Variants in FOXK1 observed in about 807,000 individuals in gnomAD.
FOXK1 encodes the protein forkhead box protein K1.
A neutral mutation model predicts 51.9 loss-of-function variants in FOXK1; 19 were observed. That is an observed-to-expected ratio of 0.37 (90% CI 0.26 to 0.54). The LOEUF (loss-of-function observed/expected upper bound fraction) is 0.54. Among genes scored for constraint, FOXK1 ranks in the 20% least tolerant of loss-of-function variants. The pLI, the probability that FOXK1 is intolerant of heterozygous loss-of-function variation, is 0.87. For synonymous variants in FOXK1, 537 were observed against 482.6 expected (o/e 1.11, Z -1.48); for missense variants, 870 against 1,032.7 (o/e 0.84, Z 2.16).
chr7:4,726,307 G>A (rs1331059402), intron 1 of FOXK1, among the ~76,000 whole-genome samples: 1 of 152,112 alleles, frequency 6.6e-6, no homozygotes, highest in Non-Finnish European at 1.5e-5. Flanking sequence ...GCAGGACGGC[G>A]ATCACCTTCC....
At chr7:4,750,747 C>G (rs1170338845) in intron 2 of FOXK1, among the ~76,000 whole-genome samples, 1 of 151,798 alleles carries the variant, frequency 6.6e-6, no homozygotes, top group Non-Finnish European at 1.5e-5. Context: ...TCTTGTTGTC[C>G]AGGCTGGAGT....
In FOXK1 at chr7:4,705,558, TCG is replaced by T. The variant is rs750199923; in HGVS notation, c.560+22692_560+22693del. Among the ~76,000 whole-genome samples the T allele has an allele frequency of 6.9e-3, 938 of 135,606 alleles. 3 individuals carry two copies. The highest frequency in any genetic ancestry group is 0.017 in the East Asian group (74 of 4,348). 89.0% of individuals were successfully genotyped at this position (135,606 alleles called of 152,430 possible). A position where few individuals can be genotyped will look rare whatever the true frequency, so the allele number is the denominator to read the frequency against. ...CTCTCTCTCTCTCTCTCTCTCTCTCTCGCTCTCGCTCTCTCGTCGCCAGGCTG... is the reference window on the plus strand; with the variant it reads ...CTCTCTCTCTCTCTCTCTCTCTCTCTCTCTCGCTCTCTCGTCGCCAGGCTG... On this transcript the variant is annotated intron_variant, in intron 1 of 8. Coordinates refer to ENST00000328914, the MANE Select transcript of FOXK1 (RefSeq NM_001037165.2).
In FOXK1 at chr7:4,761,414, G is replaced by C; in HGVS notation, c.1921+126G>C. On this transcript the variant is annotated intron_variant, in intron 8 of 8. Coordinates refer to ENST00000328914, the MANE Select transcript of FOXK1 (RefSeq NM_001037165.2). The surrounding 1 kb of genome is among the most constrained non-coding windows in gnomAD (Gnocchi z 6.2). ...ACTCAGTTCAATTTATTGAGCACCTGCTATACTCCAGGCACTGGGGTAATG... is the reference window on the plus strand; with the variant it reads ...ACTCAGTTCAATTTATTGAGCACCTCCTATACTCCAGGCACTGGGGTAATG... 1.0e-6 allele frequency: 1 copy of C among 985,736 alleles called. No individual in the cohort carries two copies. Among genetic ancestry groups the C allele is most frequent in the African/African-American group, 1.6e-5 (1 of 62,448 alleles). The allele number at this position is 985,736 out of a possible 1,614,324, so 61.1% of individuals were successfully genotyped here.
chr7:4,706,113 C>T (rs200695697), intron 1 of FOXK1, among the ~76,000 whole-genome samples: 1 of 150,328 alleles, frequency 6.7e-6, no homozygotes, highest in Non-Finnish European at 1.5e-5. Flanking sequence ...TTGAAAAATA[C>T]AGAAATGCGA....
intron 1 of FOXK1, among the ~76,000 whole-genome samples, chr7:4,700,894 C>G (rs759837799): frequency 3.2e-4 from 49 of 152,194 alleles, no homozygotes; most frequent in Non-Finnish European, 7.1e-4. Flanking sequence ...CACATACATG[C>G]GTCTGTGCTG....
intron 1 of FOXK1, among the ~76,000 whole-genome samples, chr7:4,689,079 G>C (rs1484712881): frequency 1.3e-5 from 2 of 151,766 alleles, no homozygotes; most frequent in South Asian, 2.1e-4. Flanking sequence ...CCAGGTTCAA[G>C]CAATTCTCCT....
intron 1 of FOXK1, among the ~76,000 whole-genome samples, chr7:4,694,123 A>G (rs1315369736): frequency 6.6e-6 from 1 of 152,164 alleles, no homozygotes; most frequent in Non-Finnish European, 1.5e-5. Flanking sequence ...CTGGGCTCAC[A>G]TGATCCTCCC....
chr7:4,750,012 G>A (rs1374203732), intron 2 of FOXK1, among the ~76,000 whole-genome samples: 1 of 152,218 alleles, frequency 6.6e-6, no homozygotes, highest in Non-Finnish European at 1.5e-5. Flanking sequence ...CCCGGGGTGG[G>A]TCAGCATGGG....
At chr7:4,727,234 G>A (rs1780391622) in intron 1 of FOXK1, among the ~76,000 whole-genome samples, 2 of 152,138 alleles carry the variant, frequency 1.3e-5, no homozygotes, top group African/African-American at 4.8e-5. Flanking sequence ...TTACAGGCGT[G>A]AGCCACTGCT....
chr7:4,725,662 G>A (rs546565099), intron 1 of FOXK1, among the ~76,000 whole-genome samples: 45 of 152,402 alleles, frequency 3.0e-4, no homozygotes, highest in African/African-American at 1.1e-3. Context: ...CTGCTTGGCA[G>A]TGGACACACC....
rs369813942 is a variant in FOXK1, at chr7:4,754,594, G to A, written c.882G>A (p.Thr294=). 80 of 1,605,560 alleles carry A rather than the reference G, an allele frequency of 5.0e-5. No homozygotes were observed. The highest frequency in any genetic ancestry group is 6.5e-5 in the Non-Finnish European group (77 of 1,179,966). The change falls in exon 3 of 9, where the codon ACG becomes ACA. Residue 294 remains threonine, a synonymous_variant. Coordinates refer to ENST00000328914, the MANE Select transcript of FOXK1 (RefSeq NM_001037165.2). ...CCGCGTCGGAGCAGCAGGCAGACAC[G>A]TCTGGAGGAGACAGCCCCAAGGTCT... ...AKAASEQQAD[T]SGGDSPKDES... is the part of the protein sequence containing the mutation.
chr7:4,719,521 AC>A, intron 1 of FOXK1, among the ~76,000 whole-genome samples: 1 of 150,832 alleles, frequency 6.6e-6, no homozygotes, highest in Non-Finnish European at 1.5e-5. Flanking sequence ...TCACTCCATC[AC>A]CCAGGCTGGA....
intron 1 of FOXK1, among the ~76,000 whole-genome samples, chr7:4,716,794 C>T (rs762253027): frequency 6.6e-6 from 1 of 152,236 alleles, no homozygotes; most frequent in Non-Finnish European, 1.5e-5. Context: ...ACATAGGCGT[C>T]ACAAAACAGA....
chr7:4,729,011 G>A lies in FOXK1; in HGVS notation c.561-11827G>A, dbSNP rs749028952. ...CCCAGAAGCATTTTCTTAAATCAGC[G>A]TAGAGACAGAAGATGAAAGTTAACC... On this transcript the variant is annotated intron_variant, in intron 1 of 8. Coordinates refer to ENST00000328914, the MANE Select transcript of FOXK1 (RefSeq NM_001037165.2). This position sits in a 1 kb window ranked among gnomAD's most constrained non-coding sequence, Gnocchi z 6.2. Among the ~76,000 whole-genome samples, 12 of 152,236 alleles carry A rather than the reference G, an allele frequency of 7.9e-5. No homozygotes were observed. Among genetic ancestry groups the A allele is most frequent in the Non-Finnish European group, 1.6e-4 (11 of 68,038 alleles).
chr7:4,716,691 T>G (rs1320263716), intron 1 of FOXK1, among the ~76,000 whole-genome samples: 1 of 151,922 alleles, frequency 6.6e-6, no homozygotes, highest in Non-Finnish European at 1.5e-5. Context: ...CAGAGGCCAG[T>G]GAGGGCACAG....
intron 7 of FOXK1, chr7:4,760,064 G>A (rs189322958): frequency 8.8e-4 from 147 of 167,134 alleles, no homozygotes; most frequent in African/African-American, 3.4e-3. Flanking sequence ...CCGCAGATGT[G>A]TCCTTCCTTG....
intron 1 of FOXK1, among the ~76,000 whole-genome samples, chr7:4,710,321 G>T (rs1467980140): frequency 6.6e-6 from 1 of 152,208 alleles, no homozygotes; most frequent in Non-Finnish European, 1.5e-5. Flanking sequence ...TAAGGCAGGA[G>T]GATTGCTTGA....
chr7:4,714,725 G>C (rs148122158), intron 1 of FOXK1, among the ~76,000 whole-genome samples: 1 of 152,148 alleles, frequency 6.6e-6, no homozygotes, highest in African/African-American at 2.4e-5. Flanking sequence ...ACATTCCCGC[G>C]GTTCAAAACT....
intron 1 of FOXK1, among the ~76,000 whole-genome samples, chr7:4,696,590 A>G (rs1198915344): frequency 4.6e-5 from 7 of 152,202 alleles, no homozygotes; most frequent in Non-Finnish European, 8.8e-5. Context: ...AGAAGCTGCG[A>G]GTCCCTCGAG....
Sources: allele counts gnomAD v4.1 joint callset (sites outside exome capture counted in the v4.1 genomes callset), GRCh38; gene constraint gnomAD v4.1.1; non-coding constraint Gnocchi (gnomAD v3.1); transcripts MANE v1.5; gene names NCBI Gene and HGNC (gene_info 2026-07-23, HGNC 2026-07-21).